Variants in GRIN2A observed in about 807,000 individuals in gnomAD.
The protein encoded by GRIN2A is glutamate receptor ionotropic, NMDA 2A.
Under a neutral mutation model 113.4 loss-of-function variants are expected in GRIN2A, and 22 were observed. That is an observed-to-expected ratio of 0.19 (90% CI 0.14 to 0.28). The LOEUF (loss-of-function observed/expected upper bound fraction) is 0.28, where lower values mean the gene tolerates loss of function less well. Among genes scored for constraint, GRIN2A ranks in the 10% least tolerant of loss-of-function variants. The pLI, the probability that GRIN2A is intolerant of heterozygous loss-of-function variation, is 1.00. For synonymous variants in GRIN2A, 827 were observed against 738.4 expected (o/e 1.12, Z -1.94); for missense variants, 1,502 against 1,887.0 (o/e 0.80, Z 3.78).
chr16:10,030,182 A>AC (rs542855678), intron 2 of GRIN2A, among the ~76,000 whole-genome samples: 1 of 60,654 alleles, frequency 1.6e-5, no homozygotes, highest in Non-Finnish European at 4.8e-5. Flanking sequence ...TTCTTGGGTG[A>AC]TTTTTTAAAA....
chr16:9,861,842 G>C lies in GRIN2A; in HGVS notation c.1123-11881C>G, dbSNP rs559762121. On this transcript the variant is annotated intron_variant, in intron 4 of 12. Coordinates refer to ENST00000330684, the MANE Select transcript of GRIN2A (RefSeq NM_001134407.3). ...AGCCTTGGATGGCTACCGGCAGAGT[G>C]AAACTAAGAACTGCTTTTCAGATAT... Among the ~76,000 whole-genome samples, 11 of 152,352 alleles carry C rather than the reference G, an allele frequency of 7.2e-5. 1 individual carries two copies. In the South Asian group the frequency reaches 2.3e-3, roughly 32 times the overall value.
intron 2 of GRIN2A, among the ~76,000 whole-genome samples, chr16:10,116,883 C>T (rs2048738134): frequency 6.6e-6 from 1 of 152,100 alleles, no homozygotes. Flanking sequence ...AGGAGCCAAA[C>T]ACAATCGTAT....
chr16:9,834,064 A>T, intron 8 of GRIN2A, 41 bp downstream of exon 8: 1 of 1,603,734 alleles, frequency 6.2e-7, no homozygotes, highest in East Asian at 2.2e-5. Flanking sequence ...GGTAAATGAA[A>T]TTGCAACAAC....
At chr16:9,777,897 C>G (rs1901701843) in intron 11 of GRIN2A, among the ~76,000 whole-genome samples, 1 of 152,194 alleles carries the variant, frequency 6.6e-6, no homozygotes, top group Non-Finnish European at 1.5e-5. Flanking sequence ...AACCCTATCT[C>G]TACTAAAAAT....
chr16:9,843,972 G>A (rs755835807), intron 5 of GRIN2A, among the ~76,000 whole-genome samples: 3 of 152,222 alleles, frequency 2.0e-5, no homozygotes, highest in Non-Finnish European at 4.4e-5. Context: ...TCTGAAAAAT[G>A]TGTCAAAATC....
chr16:9,945,606 G>A (rs767318926), intron 2 of GRIN2A, among the ~76,000 whole-genome samples: 1 of 152,150 alleles, frequency 6.6e-6, no homozygotes, highest in Non-Finnish European at 1.5e-5. Flanking sequence ...TAGGGAACCT[G>A]GGAGAAACCT....
At chr16:10,103,337 G>C (rs1361210565) in intron 2 of GRIN2A, among the ~76,000 whole-genome samples, 2 of 152,132 alleles carry the variant, frequency 1.3e-5, no homozygotes, top group Non-Finnish European at 2.9e-5. Context: ...CCTTGCACAA[G>C]CTGGGATGCA....
intron 2 of GRIN2A, among the ~76,000 whole-genome samples, chr16:10,050,645 A>G (rs928117923): frequency 2.6e-5 from 4 of 152,070 alleles, no homozygotes; most frequent in Non-Finnish European, 4.4e-5. Flanking sequence ...TTGTATCATT[A>G]TTTCATTATA....
intron 4 of GRIN2A, among the ~76,000 whole-genome samples, chr16:9,850,883 A>C (rs1177825192): frequency 6.6e-6 from 1 of 152,086 alleles, no homozygotes; most frequent in Non-Finnish European, 1.5e-5. Context: ...CGCTATTCAC[A>C]TACACGCTGG....
chr16:10,102,153 C>A (rs552375361), intron 2 of GRIN2A, among the ~76,000 whole-genome samples: 7 of 152,152 alleles, frequency 4.6e-5, no homozygotes, highest in Non-Finnish European at 1.0e-4. Context: ...GGTGTTTGTT[C>A]CCTCCAAACT....
intron 2 of GRIN2A, chr16:10,112,355 C>G (rs1184681826): frequency 7.6e-6 from 5 of 660,048 alleles, no homozygotes; most frequent in Admixed American, 6.6e-5. Flanking sequence ...TAGTTATGGG[C>G]TGCAGCTCTA....
chr16:10,170,989 G>C (rs1306881484), intron 2 of GRIN2A, among the ~76,000 whole-genome samples: 3 of 152,018 alleles, frequency 2.0e-5, no homozygotes, highest in Admixed American at 6.6e-5. Context: ...CTCCAGTGCA[G>C]TCTTTAGAGT....
chr16:10,157,317 C>T (rs539463242), intron 2 of GRIN2A, among the ~76,000 whole-genome samples: 43 of 152,154 alleles, frequency 2.8e-4, no homozygotes, highest in Non-Finnish European at 5.4e-4. Context: ...CAGGATAAAA[C>T]TCTGATTATC....
intron 2 of GRIN2A, among the ~76,000 whole-genome samples, chr16:9,959,396 T>C (rs1188575729): frequency 6.6e-6 from 1 of 152,172 alleles, no homozygotes; most frequent in Non-Finnish European, 1.5e-5. Flanking sequence ...TGTCTCCCCA[T>C]AGGAGCTCAT....
At chr16:9,934,008 A>G (rs762980785) in intron 3 of GRIN2A, among the ~76,000 whole-genome samples, 5 of 152,234 alleles carry the variant, frequency 3.3e-5, no homozygotes, top group Non-Finnish European at 7.3e-5. Flanking sequence ...CAAACTGATT[A>G]TCATGTTTTC....
chr16:10,079,859 C>T (rs772889452), intron 2 of GRIN2A, among the ~76,000 whole-genome samples: 12 of 152,338 alleles, frequency 7.9e-5, no homozygotes, highest in East Asian at 3.9e-4. Flanking sequence ...GCTATGATAA[C>T]GCAATGGTGT....
In GRIN2A at chr16:9,761,954, T is replaced by C; in HGVS notation, c.*1195A>G. 1 of 202,580 alleles carries C rather than the reference T, an allele frequency of 4.9e-6. No individual in the cohort carries two copies. The highest frequency in any genetic ancestry group is 1.0e-5 in the Non-Finnish European group (1 of 98,502). The allele number at this position is 202,580 out of a possible 1,614,324, so 12.5% of individuals were successfully genotyped here. ...TACTCAGGGTAGATCCAAGAGTGCC[T>C]CGTGTTTTGAAGGCTTTTGATTTGA... On this transcript the variant is annotated 3_prime_UTR_variant, in exon 13 of 13. Transcript: ENST00000330684.
intron 2 of GRIN2A, among the ~76,000 whole-genome samples, chr16:10,097,419 G>T (rs890043224): frequency 2.0e-5 from 3 of 152,170 alleles, no homozygotes; most frequent in Admixed American, 6.5e-5. Context: ...TATCATTTTG[G>T]TGTCTTGGAG....
chr16:10,111,769 G>A, intron 2 of GRIN2A: 1 of 1,492,098 alleles, frequency 6.7e-7, no homozygotes, highest in Non-Finnish European at 9.3e-7. Flanking sequence ...TGTGGGTGAT[G>A]TGCTGGAGGC....
Sources: allele counts gnomAD v4.1 joint callset (sites outside exome capture counted in the v4.1 genomes callset), GRCh38; gene constraint gnomAD v4.1.1; transcripts MANE v1.5; gene names NCBI Gene and HGNC (gene_info 2026-07-23, HGNC 2026-07-21).